POT1: variants seen among roughly 807,000 people sequenced by gnomAD.
POT1 encodes protection of telomeres 1.
A neutral mutation model predicts 78.5 loss-of-function variants in POT1; 47 were observed. That is an observed-to-expected ratio of 0.60 (90% CI 0.47 to 0.76). POT1 has a LOEUF of 0.76. Ranked by LOEUF, POT1 falls within the 30% of genes least tolerant of loss-of-function variation. The pLI is 0.00. For synonymous variants in POT1, 259 were observed against 260.7 expected (o/e 0.99, Z 0.06); for missense variants, 646 against 749.9 (o/e 0.86, Z 1.62).
At chr7:124,918,017 A>C (rs1797060430) in intron 2 of POT1, among the ~76,000 whole-genome samples, 1 of 152,202 alleles carries the variant, frequency 6.6e-6, no homozygotes, top group Non-Finnish European at 1.5e-5. Context: ...CTACTCTCAG[A>C]AACTACTGGG....
chr7:124,836,796 T>C (rs894510465), intron 14 of POT1, among the ~76,000 whole-genome samples: 12 of 152,212 alleles, frequency 7.9e-5, no homozygotes, highest in African/African-American at 2.4e-4. Context: ...GTAAAGCACT[T>C]AGAGCCATGA....
chr7:124,858,080 C>T (rs1016032470), intron 9 of POT1, among the ~76,000 whole-genome samples: 12 of 152,122 alleles, frequency 7.9e-5, no homozygotes, highest in South Asian at 2.1e-4. Context: ...AGCACTGAAG[C>T]GGCTGCCTAG....
intron 5 of POT1, among the ~76,000 whole-genome samples, 200 bp downstream of exon 5, chr7:124,896,965 T>C (rs1451467868): frequency 6.6e-6 from 1 of 151,772 alleles, no homozygotes; most frequent in East Asian, 1.9e-4. Flanking sequence ...AATATTCAGA[T>C]ATTGATTACT....
At chr7:124,827,416 T>A in intron 16 of POT1, 111 bp from the exon 17 acceptor site, 1 of 478,866 alleles carries the variant, frequency 2.1e-6, no homozygotes, top group African/African-American at 2.0e-5. Context: ...TTTACTAAAA[T>A]AACTCAAGAT....
intron 6 of POT1, among the ~76,000 whole-genome samples, chr7:124,887,196 A>AAAAAT: frequency 6.6e-6 from 1 of 152,242 alleles, no homozygotes; most frequent in Admixed American, 6.5e-5. Flanking sequence ...TGGGGAAATG[A>AAAAAT]AGACTCTGGG....
At chr7:124,880,711 A>G (rs938924784) in intron 6 of POT1, among the ~76,000 whole-genome samples, 1 of 152,050 alleles carries the variant, frequency 6.6e-6, no homozygotes, top group African/African-American at 2.4e-5. Context: ...TAGACCCACT[A>G]TCGAGATCTT....
chr7:124,917,989 A>C (rs1452801388), intron 2 of POT1, among the ~76,000 whole-genome samples: 1 of 152,118 alleles, frequency 6.6e-6, no homozygotes, highest in Non-Finnish European at 1.5e-5. Context: ...TCCTTTCCCA[A>C]GGAAAAATAT....
chr7:124,865,426 G>T (rs1795696491), intron 7 of POT1, among the ~76,000 whole-genome samples: 1 of 151,802 alleles, frequency 6.6e-6, no homozygotes, highest in African/African-American at 2.4e-5. Flanking sequence ...TGTAACCCTT[G>T]ATATTGTTCC....
chr7:124,827,323 G>C lies in POT1; in HGVS notation c.1595-18C>G, dbSNP rs1794655556. The C allele has an allele frequency of 6.9e-7, 1 of 1,450,856 alleles. No individual in the cohort carries two copies. The highest frequency in any genetic ancestry group is 1.8e-5 in the Admixed American group (1 of 55,458). 89.9% of individuals were successfully genotyped at this position (1,450,856 alleles called of 1,614,324 possible). On this transcript the variant is annotated intron_variant, in intron 16 of 18. Coordinates refer to ENST00000357628, the MANE Select transcript of POT1 (RefSeq NM_015450.3). ...ACCCAGTGCTAGTGAAGGAAAAAAAGATCAAACCATATGAGTCTGCTATTC... is the reference window on the plus strand; with the variant it reads ...ACCCAGTGCTAGTGAAGGAAAAAAACATCAAACCATATGAGTCTGCTATTC...
intron 16 of POT1, among the ~76,000 whole-genome samples, chr7:124,827,778 C>T (rs1014095974): frequency 1.3e-5 from 2 of 152,112 alleles, no homozygotes; most frequent in South Asian, 2.1e-4. Context: ...ATTCTCAGCA[C>T]TTTGGGAGGC....
chr7:124,928,074 T>C (rs1797317859), intron 2 of POT1, among the ~76,000 whole-genome samples: 1 of 152,180 alleles, frequency 6.6e-6, no homozygotes, highest in Admixed American at 6.5e-5. Context: ...ACGTAAAAAC[T>C]ACCTAACGCA....
chr7:124,857,081 C>G (rs183846510), intron 9 of POT1, among the ~76,000 whole-genome samples: 312 of 152,050 alleles, frequency 2.1e-3, no homozygotes, highest in Non-Finnish European at 1.6e-3. Flanking sequence ...TTTCTGTAAC[C>G]CAGAACAGTA....
chr7:124,840,787 T>C, intron 14 of POT1, 186 bp downstream of exon 14: 1 of 440,518 alleles, frequency 2.3e-6, no homozygotes, highest in South Asian at 3.5e-5. Flanking sequence ...GTAATTAAGA[T>C]AAATTTATGA....
chr7:124,831,999 TAAA>T (rs752861454), intron 15 of POT1, among the ~76,000 whole-genome samples: 22 of 75,646 alleles, frequency 2.9e-4, no homozygotes, highest in African/African-American at 8.4e-4. Flanking sequence ...TTCTTAAAAA[TAAA>T]AAAAAAAAAA....
At chr7:124,898,690 A>G (rs1409313068) in intron 3 of POT1, among the ~76,000 whole-genome samples, 1 of 152,092 alleles carries the variant, frequency 6.6e-6, no homozygotes, top group Non-Finnish European at 1.5e-5. Flanking sequence ...AGTAATAAGG[A>G]TGGAATTTAA....
At chr7:124,898,459 A>T (rs1230429785) in intron 3 of POT1, 85 bp from the exon 4 acceptor site, 1 of 152,018 alleles carries the variant, frequency 6.6e-6, no homozygotes, top group Non-Finnish European at 1.5e-5. Context: ...TTATATTATT[A>T]TGTTTAGAAT....
At chr7:124,825,384 A>G (rs545731096) in intron 17 of POT1, 27 bp from the exon 18 acceptor site, 3 of 1,397,824 alleles carry the variant, frequency 2.1e-6, no homozygotes, top group South Asian at 2.5e-5. Context: ...GAGAGAAAAA[A>G]AAAGGAAATA....
intron 10 of POT1, 77 bp from the exon 11 acceptor site, chr7:124,852,028 C>T (rs1795321554): frequency 1.1e-6 from 1 of 952,212 alleles, no homozygotes; most frequent in African/African-American, 1.7e-5. Context: ...CCACAAAATC[C>T]AGAAATTCAT....
rs1794548858 is a variant in POT1 at position 124,823,284 on chromosome 7, T to C, written c.*678A>G. 1.3e-5 allele frequency: 2 copies of C among 152,200 alleles called. No homozygotes were observed. The highest frequency in any genetic ancestry group is 6.5e-5 in the Admixed American group (1 of 15,282). 9.4% of individuals were successfully genotyped at this position (152,200 alleles called of 1,614,324 possible). Reference sequence around the variant, plus strand: ...ATGTGTGCACTTATTTATTCTTCACTAATATTAAACCAGGTAATTTATATC... The same window carrying C: ...ATGTGTGCACTTATTTATTCTTCACCAATATTAAACCAGGTAATTTATATC... On this transcript the variant is annotated 3_prime_UTR_variant, in exon 19 of 19. Coordinates refer to ENST00000357628, the MANE Select transcript of POT1 (RefSeq NM_015450.3).
Sources: allele counts gnomAD v4.1 joint callset (sites outside exome capture counted in the v4.1 genomes callset), GRCh38; gene constraint gnomAD v4.1.1; transcripts MANE v1.5; gene names NCBI Gene and HGNC (gene_info 2026-07-23, HGNC 2026-07-21).